SLC22A24: variants seen among roughly 807,000 people sequenced by gnomAD.
The protein encoded by SLC22A24 is steroid transmembrane transporter SLC22A24.
SLC22A24 carries 53 observed loss-of-function variants against 49.8 expected under a neutral mutation model. The observed-to-expected ratio is 1.06, with a 90% CI of 0.85 to 1.34. The LOEUF is 1.34. SLC22A24 is among the 40% of genes most tolerant of loss of function. SLC22A24 has a pLI of 0.00. For missense variants in SLC22A24, 786 were observed against 675.9 expected (o/e 1.16, Z -1.81); for synonymous variants, 302 against 256.4 (o/e 1.18, Z -1.70).
intron 6 of SLC22A24, among the ~76,000 whole-genome samples, chr11:63,091,240 T>C (rs1399870488): frequency 6.6e-6 from 1 of 152,124 alleles, no homozygotes; most frequent in African/African-American, 2.4e-5. Context: ...CGATAACATG[T>C]TCTGAAATTG....
chr11:63,128,767 A>G (rs552530372), intron 2 of SLC22A24, among the ~76,000 whole-genome samples: 327 of 152,222 alleles, frequency 2.1e-3, no homozygotes, highest in Admixed American at 4.8e-3. Context: ...GATGGCTCAC[A>G]TTCCTTACCC....
chr11:63,116,760 A>G (rs2087215736), intron 4 of SLC22A24, among the ~76,000 whole-genome samples: 1 of 152,178 alleles, frequency 6.6e-6, no homozygotes, highest in South Asian at 2.1e-4. Flanking sequence ...ACATGTCCTC[A>G]AAACTCTGCT....
chr11:63,115,659 G>A (rs562968794), intron 4 of SLC22A24, among the ~76,000 whole-genome samples: 72 of 152,316 alleles, frequency 4.7e-4, no homozygotes, highest in Non-Finnish European at 8.2e-4. Flanking sequence ...ATCACACTGG[G>A]ATCTGCAGAC....
At chr11:63,083,635 A>G (rs1590726687) in intron 6 of SLC22A24, among the ~76,000 whole-genome samples, 178 bp from the exon 7 acceptor site, 1 of 152,230 alleles carries the variant, frequency 6.6e-6, no homozygotes, top group Non-Finnish European at 1.5e-5. Context: ...CTTTTCAGAC[A>G]ATGGTCTTAA....
chr11:63,098,045 C>T (rs1186904859), intron 5 of SLC22A24, among the ~76,000 whole-genome samples: 1 of 152,038 alleles, frequency 6.6e-6, no homozygotes, highest in Non-Finnish European at 1.5e-5. Context: ...ATGTAACAAA[C>T]CTGCATGTTC....
intron 5 of SLC22A24, among the ~76,000 whole-genome samples, chr11:63,103,723 A>C (rs1228306703): frequency 6.6e-6 from 1 of 152,200 alleles, no homozygotes; most frequent in African/African-American, 2.4e-5. Flanking sequence ...CATTGTGTAG[A>C]ACTTTATTTG....
intron 6 of SLC22A24, among the ~76,000 whole-genome samples, chr11:63,086,902 T>A (rs910591440): frequency 6.6e-6 from 1 of 152,022 alleles, no homozygotes; most frequent in Non-Finnish European, 1.5e-5. Context: ...GTTAAAAAAA[T>A]ATGGGATGTA....
rs534058563 is a variant in SLC22A24 at position 63,116,240 on chromosome 11, C to G, written c.830+2672G>C. 16 of 335,524 alleles carry G rather than the reference C, an allele frequency of 4.8e-5. No individual in the cohort carries two copies. In the Admixed American group the frequency reaches 5.8e-4, roughly 12 times the overall value. 20.8% of individuals were successfully genotyped at this position (335,524 alleles called of 1,614,324 possible). The stretch of plus-strand genomic sequence containing the variant: ...TCTTCAGGAACTTGGGGTCCACACC[C>G]TTAAGAGATTCATATCTTTGTGATC... On this transcript the variant is annotated intron_variant, in intron 4 of 9. Transcript: ENST00000612278.
chr11:63,103,717 G>C (rs1047641146), intron 5 of SLC22A24, among the ~76,000 whole-genome samples: 6 of 152,124 alleles, frequency 3.9e-5, no homozygotes, highest in Non-Finnish European at 5.9e-5. Context: ...TATCCACATT[G>C]TGTAGAACTT....
At chr11:63,103,118 A>G (rs549027206) in intron 5 of SLC22A24, among the ~76,000 whole-genome samples, 30 of 152,274 alleles carry the variant, frequency 2.0e-4, no homozygotes, top group Non-Finnish European at 4.1e-4. Context: ...TTTACTTAGC[A>G]TATCAGAGGG....
At chr11:63,110,681 T>C (rs956522308) in intron 4 of SLC22A24, among the ~76,000 whole-genome samples, 3 of 133,714 alleles carry the variant, frequency 2.2e-5, no homozygotes, top group Admixed American at 1.6e-4. Flanking sequence ...ATGCTTGTGA[T>C]TTTTGTACAT....
intron 8 of SLC22A24, 112 bp downstream of exon 8, chr11:63,081,446 T>C (rs1313400506): frequency 2.6e-6 from 2 of 778,508 alleles, no homozygotes; most frequent in Non-Finnish European, 4.4e-6. Flanking sequence ...TGTTCATTTC[T>C]ATTACAGTTA....
intron 2 of SLC22A24, among the ~76,000 whole-genome samples, chr11:63,133,222 A>G (rs1005874782): frequency 3.3e-5 from 5 of 151,978 alleles, no homozygotes; most frequent in African/African-American, 1.2e-4. Context: ...AGTCTGTCAC[A>G]CCTTCCCTTG....
intron 9 of SLC22A24, among the ~76,000 whole-genome samples, chr11:63,080,438 A>G (rs913567438): frequency 1.3e-5 from 2 of 149,058 alleles, no homozygotes; most frequent in Non-Finnish European, 3.0e-5. Context: ...ATTTTTGCAA[A>G]GGAGATTTTG....
intron 2 of SLC22A24, 84 bp downstream of exon 2, chr11:63,134,581 T>C (rs2087359485): frequency 1.2e-6 from 1 of 807,242 alleles, no homozygotes; most frequent in Non-Finnish European, 2.0e-6. Flanking sequence ...AAGTATACAG[T>C]AAGAGCTCAG....
chr11:63,115,332 G>T (rs1037711288), intron 4 of SLC22A24, among the ~76,000 whole-genome samples: 3 of 152,208 alleles, frequency 2.0e-5, no homozygotes, highest in African/African-American at 7.2e-5. Context: ...TGCTGTGCTA[G>T]CAGTGAGCAA....
intron 2 of SLC22A24, among the ~76,000 whole-genome samples, chr11:63,123,126 A>T (rs1270347545): frequency 6.6e-6 from 1 of 152,194 alleles, no homozygotes; most frequent in Non-Finnish European, 1.5e-5. Context: ...GTCAGTCTTG[A>T]TTTGGTTTAA....
At chr11:63,094,691 T>C (rs2087042237) in intron 6 of SLC22A24, among the ~76,000 whole-genome samples, 1 of 152,206 alleles carries the variant, frequency 6.6e-6, no homozygotes, top group Non-Finnish European at 1.5e-5. Flanking sequence ...TGTGAGATGG[T>C]ATCTCATTGT....
intron 1 of SLC22A24, among the ~76,000 whole-genome samples, chr11:63,139,851 T>A (rs560604155): frequency 4.6e-5 from 7 of 152,296 alleles, no homozygotes; most frequent in African/African-American, 1.7e-4. Flanking sequence ...GTAATCCAAT[T>A]AAGAAACTGG....
Sources: gnomAD v4.1 joint callset for allele counts (sites outside exome capture counted in the v4.1 genomes callset) on GRCh38, gnomAD v4.1.1 for gene constraint, MANE v1.5 for transcripts, NCBI Gene and HGNC (gene_info 2026-07-23, HGNC 2026-07-21) for gene names.